RAB31: variants seen among roughly 807,000 people sequenced by gnomAD.
RAB31 encodes the protein ras-related protein Rab-31.
A neutral mutation model predicts 25.6 loss-of-function variants in RAB31; 21 were observed. The ratio of observed to expected loss-of-function variants is 0.82; its 90% CI spans 0.58 to 1.18. The LOEUF is 1.18. Among genes scored for constraint, RAB31 ranks in the 50% most tolerant of loss-of-function variants. RAB31 has a pLI of 0.00. For missense variants in RAB31, 196 were observed against 250.1 expected, an observed-to-expected ratio of 0.78 and a Z score of 1.46; for synonymous variants, 87 against 84.0, an observed-to-expected ratio of 1.04 and a Z score of -0.20.
Position 9,775,297 on chromosome 18 carries a change from C to G in RAB31, c.59C>G (p.Ser20Ter). ...CLLGDTGVGK[S>*]SIVCRFVQDH... ...TCCTAGGACACTGGGGTTGGGAAAT[C>G]AAGCATCGTGTGTCGATTTGTCCAG... The change falls in exon 2 of 7, where the codon TCA (serine) becomes TGA (stop). Residue 20 changes from serine (S) to a stop codon, truncating the protein, a stop_gained. Coordinates refer to ENST00000578921, the MANE Select transcript of RAB31 (RefSeq NM_006868.4). LOFTEE classifies it high-confidence loss of function. The G allele has an allele frequency of 1.9e-6, 3 of 1,613,876 alleles. No individual in the cohort carries two copies. The highest frequency in any genetic ancestry group is 2.5e-6 in the Non-Finnish European group (3 of 1,179,812).
At chr18:9,854,980 G>A (rs62078774) in intron 6 of RAB31, among the ~76,000 whole-genome samples, 7,730 of 152,320 alleles carry the variant, frequency 0.051, 283 homozygotes, top group Non-Finnish European at 0.075. Flanking sequence ...TACTGGAACT[G>A]GAATGAAAGG....
chr18:9,798,191 G>T (rs1269341770), intron 3 of RAB31, among the ~76,000 whole-genome samples: 1 of 152,210 alleles, frequency 6.6e-6, no homozygotes, highest in Non-Finnish European at 1.5e-5. Flanking sequence ...AACATTTTTA[G>T]AGTCTAGATT....
At chr18:9,727,824 T>G (rs117151973) in intron 1 of RAB31, among the ~76,000 whole-genome samples, 2,060 of 152,348 alleles carry the variant, frequency 0.014, 19 homozygotes, top group Middle Eastern at 0.034. Context: ...TGTCCACTTT[T>G]AAGGTATGCA....
chr18:9,860,644 A>G lies in RAB31; in HGVS notation c.*1319A>G, dbSNP rs1295794341. 7.1e-5 allele frequency: 8 copies of G among 113,424 alleles called. No individual in the cohort carries two copies. Among genetic ancestry groups the G allele is most frequent in the East Asian group, 3.7e-4 (1 of 2,682 alleles). The allele number at this position is 113,424 out of a possible 1,614,324, so 7.0% of individuals were successfully genotyped here. On this transcript the variant is annotated 3_prime_UTR_variant, in exon 7 of 7. Coordinates refer to ENST00000578921, the MANE Select transcript of RAB31 (RefSeq NM_006868.4). ...AGCAGCTGATTTCCTGCCAGGGCTT[A>G]TATTAGGGGGTGATTCTTAAAGGAC...
chr18:9,810,983 C>T (rs752179624), intron 3 of RAB31, among the ~76,000 whole-genome samples: 3 of 152,084 alleles, frequency 2.0e-5, no homozygotes, highest in Admixed American at 1.3e-4. Context: ...GGCAGGAATT[C>T]TGATTTTGTT....
At chr18:9,710,413 C>T (rs918259723) in intron 1 of RAB31, among the ~76,000 whole-genome samples, 1 of 152,194 alleles carries the variant, frequency 6.6e-6, no homozygotes, top group African/African-American at 2.4e-5. Flanking sequence ...TCTTTTATCT[C>T]CAAGAAAGAT....
chr18:9,788,205 CA>C (rs1185164860), intron 2 of RAB31, among the ~76,000 whole-genome samples: 6 of 152,012 alleles, frequency 3.9e-5, no homozygotes, highest in Admixed American at 2.0e-4. Flanking sequence ...AAAGAAAACC[CA>C]AATAAAATGA....
At chr18:9,851,423 G>A (rs145471902) in intron 6 of RAB31, among the ~76,000 whole-genome samples, 1 of 152,316 alleles carries the variant, frequency 6.6e-6, no homozygotes, top group African/African-American at 2.4e-5. Flanking sequence ...TGTTGCAATT[G>A]CTGAAATATA....
chr18:9,788,775 G>A (rs1245381620), intron 2 of RAB31, among the ~76,000 whole-genome samples: 2 of 152,176 alleles, frequency 1.3e-5, no homozygotes, highest in African/African-American at 4.8e-5. Flanking sequence ...AGACCAGCCT[G>A]GCCAACATGG....
chr18:9,749,365 G>GAGGGAACAGAGGGAA (rs1568169060), intron 1 of RAB31, among the ~76,000 whole-genome samples: 1 of 52,666 alleles, frequency 1.9e-5, no homozygotes. Flanking sequence ...AACAGAGGGA[G>GAGGGAACAGAGGGAA]CGGAGGGAAC....
chr18:9,745,089 A>T (rs544864037), intron 1 of RAB31, among the ~76,000 whole-genome samples: 3 of 152,310 alleles, frequency 2.0e-5, no homozygotes, highest in Admixed American at 1.3e-4. Context: ...AGAGAAAAGA[A>T]GTAAATCACT....
intron 1 of RAB31, among the ~76,000 whole-genome samples, chr18:9,721,213 CT>C (rs2068072055): frequency 6.6e-6 from 1 of 152,180 alleles, no homozygotes; most frequent in South Asian, 2.1e-4. Context: ...AAAGTATATC[CT>C]GTATCTTCCA....
chr18:9,826,084 T>C (rs952185541), intron 5 of RAB31, among the ~76,000 whole-genome samples: 2 of 151,908 alleles, frequency 1.3e-5, no homozygotes, highest in Admixed American at 6.6e-5. Context: ...AAAATAAAAG[T>C]TGAAATTATT....
At chr18:9,761,518 TG>T in intron 1 of RAB31, among the ~76,000 whole-genome samples, 1 of 152,340 alleles carries the variant, frequency 6.6e-6, no homozygotes, top group South Asian at 2.1e-4. Flanking sequence ...GGTCAGGAAT[TG>T]GGCATGGCTT....
intron 1 of RAB31, among the ~76,000 whole-genome samples, chr18:9,724,261 A>T (rs1219588111): frequency 9.1e-6 from 1 of 109,506 alleles, no homozygotes; most frequent in African/African-American, 3.5e-5. Context: ...ACAGAGCGAG[A>T]CTCCGTCTCA....
chr18:9,742,918 C>T (rs1285484908), intron 1 of RAB31, among the ~76,000 whole-genome samples: 1 of 152,192 alleles, frequency 6.6e-6, no homozygotes, highest in African/African-American at 2.4e-5. Context: ...AAAATCCAGT[C>T]CACTAAAGCA....
intron 2 of RAB31, among the ~76,000 whole-genome samples, chr18:9,777,541 T>C (rs959587812): frequency 6.6e-6 from 1 of 152,064 alleles, no homozygotes; most frequent in African/African-American, 2.4e-5. Flanking sequence ...ATGGAAGAAA[T>C]TGGTTTCACT....
chr18:9,832,725 C>T (rs905387404), intron 5 of RAB31, among the ~76,000 whole-genome samples: 3 of 152,220 alleles, frequency 2.0e-5, no homozygotes, highest in Non-Finnish European at 4.4e-5. Flanking sequence ...CCCTCAGCAT[C>T]CCGGCCAGAA....
intron 2 of RAB31, among the ~76,000 whole-genome samples, chr18:9,779,727 C>T (rs2068392185): frequency 6.6e-6 from 1 of 152,216 alleles, no homozygotes; most frequent in Admixed American, 6.5e-5. Flanking sequence ...TACCTCACCC[C>T]TCCTTTGGGC....
Sources: gnomAD v4.1 joint callset for allele counts (sites outside exome capture counted in the v4.1 genomes callset) on GRCh38, gnomAD v4.1.1 for gene constraint, MANE v1.5 for transcripts, NCBI Gene and HGNC (gene_info 2026-07-23, HGNC 2026-07-21) for gene names.